WDR48: variants seen among roughly 807,000 people sequenced by gnomAD.
The protein encoded by WDR48 is WD repeat domain 48, also known as WD repeat-containing protein 48.
WDR48 carries 22 observed loss-of-function variants against 94.0 expected under a neutral mutation model. The ratio of observed to expected loss-of-function variants is 0.23; its 90% CI spans 0.17 to 0.33. The LOEUF (loss-of-function observed/expected upper bound fraction) is 0.33, where lower values mean the gene tolerates loss of function less well. Ranked by LOEUF, WDR48 falls within the 10% of genes least tolerant of loss-of-function variation. WDR48 has a pLI of 1.00. For synonymous variants in WDR48, 278 were observed against 280.5 expected (o/e 0.99, Z 0.09); for missense variants, 541 against 813.8 (o/e 0.66, Z 4.08).
At chr3:39,084,455 A>G (rs1348116274) in intron 12 of WDR48, among the ~76,000 whole-genome samples, 190 bp from the exon 13 acceptor site, 2 of 152,200 alleles carry the variant, frequency 1.3e-5, no homozygotes, top group Admixed American at 6.5e-5. Context: ...AAAAAATTTA[A>G]AAGTTACAAA....
At chr3:39,093,223 G>A (rs1458352231) in intron 17 of WDR48, among the ~76,000 whole-genome samples, 2 of 152,180 alleles carry the variant, frequency 1.3e-5, no homozygotes, top group Non-Finnish European at 2.9e-5. Flanking sequence ...GAGAGCCCAG[G>A]GAAAATTGAG....
At chr3:39,084,806 T>C in intron 13 of WDR48, 65 bp downstream of exon 13, 1 of 1,402,058 alleles carries the variant, frequency 7.1e-7, no homozygotes, top group South Asian at 1.2e-5. Flanking sequence ...GAGCTGTTTT[T>C]TGCTAAGTAC....
intron 7 of WDR48, among the ~76,000 whole-genome samples, chr3:39,071,285 G>A (rs1211162821): frequency 3.3e-5 from 5 of 152,148 alleles, no homozygotes; most frequent in Non-Finnish European, 4.4e-5. Context: ...GTAAGCCAGG[G>A]CATTTCCTAG....
At chr3:39,087,055 C>T (rs951218387) in intron 14 of WDR48, among the ~76,000 whole-genome samples, 1 of 152,094 alleles carries the variant, frequency 6.6e-6, no homozygotes, top group East Asian at 1.9e-4. Context: ...CCTTCAGGAG[C>T]TGATGTTCTG....
At position 39,065,823 on chromosome 3, in the gene WDR48, A is replaced by G. The variant is rs1376821297; in HGVS notation, c.202A>G (p.Ile68Val). 1.9e-6 allele frequency: 3 copies of G among 1,604,784 alleles called. No individual in the cohort carries two copies. The highest frequency in any genetic ancestry group is 2.7e-5 in the African/African-American group (2 of 74,230). Residue 68 changes from isoleucine to valine, a missense_variant, in exon 3 of 19, where the codon ATA becomes GTA. Around this residue, in one of 5 missense-constraint regions of WDR48, gnomAD observed 90 missense variants for 122.3 expected, o/e 0.74. Transcript: ENST00000302313. ...CTTTTAATTTCAGCAAGATCCATAT[A>G]TAGCATCTATGGAACACCATACTGA... ...SVNQHKQDPY[I>V]ASMEHHTDWV...
At chr3:39,071,221 TGA>T (rs1428561601) in intron 7 of WDR48, among the ~76,000 whole-genome samples, 2 of 152,208 alleles carry the variant, frequency 1.3e-5, no homozygotes, top group Non-Finnish European at 2.9e-5. Context: ...ATATAGTTGG[TGA>T]GAGTGTGTGT....
chr3:39,060,974 AAAC>A (rs1344267149), intron 1 of WDR48, among the ~76,000 whole-genome samples: 1 of 152,228 alleles, frequency 6.6e-6, no homozygotes, highest in African/African-American at 2.4e-5. Flanking sequence ...CAAAAAATAA[AAAC>A]AAAAATTATT....
At chr3:39,092,421 G>C (rs1265809217) in intron 17 of WDR48, among the ~76,000 whole-genome samples, 1 of 152,190 alleles carries the variant, frequency 6.6e-6, no homozygotes, top group Non-Finnish European at 1.5e-5. Context: ...GTGTGATCAG[G>C]GATGTGGAAG....
At chr3:39,067,151 G>C (rs1339082687) in intron 5 of WDR48, among the ~76,000 whole-genome samples, 1 of 152,178 alleles carries the variant, frequency 6.6e-6, no homozygotes, top group African/African-American at 2.4e-5. Context: ...AGTCCCTGCA[G>C]GGTAGAGGAG....
intron 14 of WDR48, among the ~76,000 whole-genome samples, chr3:39,086,821 A>G (rs914605107): frequency 3.3e-5 from 5 of 152,200 alleles, no homozygotes; most frequent in Non-Finnish European, 7.3e-5. Context: ...GAGTATAAGG[A>G]AGACATCACC....
Position 39,089,279 on chromosome 3 carries a change from T to C in WDR48, c.1629T>C (p.Asn543=), listed in dbSNP as rs1437938884. ...GTGAGACTGAGTCTATGCTTCTTAA[T>C]GAAACAGTGCCACAATGGGTAATTG... ...SGGETESMLL[N]ETVPQWVIDI... is the part of the protein sequence containing the mutation. The change falls in exon 16 of 19, where the codon AAT becomes AAC. Residue 543 remains asparagine (N), a synonymous_variant. Coordinates refer to ENST00000302313, the MANE Select transcript of WDR48 (RefSeq NM_020839.4). The C allele has an allele frequency of 1.2e-6, 2 of 1,613,560 alleles. No individual in the cohort carries two copies. The highest frequency in any genetic ancestry group is 1.7e-6 in the Non-Finnish European group (2 of 1,179,816).
intron 14 of WDR48, chr3:39,086,359 C>G (rs1341034612): frequency 6.6e-6 from 1 of 152,234 alleles, no homozygotes; most frequent in African/African-American, 2.4e-5. Context: ...AGATTCTCTG[C>G]TGGCCACCAG....
chr3:39,088,277 C>T, intron 15 of WDR48, 44 bp downstream of exon 15: 1 of 1,582,180 alleles, frequency 6.3e-7, no homozygotes, highest in Non-Finnish European at 8.7e-7. Flanking sequence ...GAAGGTATCC[C>T]ATTTGCTAAG....
intron 1 of WDR48, among the ~76,000 whole-genome samples, chr3:39,056,496 A>G (rs1559594113): frequency 1.3e-5 from 2 of 152,230 alleles, no homozygotes; most frequent in Admixed American, 6.5e-5. Flanking sequence ...AAAAACAAAC[A>G]AGAAATGTCA....
chr3:39,069,463 A>G (rs769474278), intron 6 of WDR48, among the ~76,000 whole-genome samples, 180 bp from the exon 7 acceptor site: 1 of 152,214 alleles, frequency 6.6e-6, no homozygotes. Flanking sequence ...GAGGCTGTGC[A>G]TTTTTGATGT....
intron 14 of WDR48, among the ~76,000 whole-genome samples, chr3:39,087,482 G>C (rs1333354324): frequency 6.6e-6 from 1 of 152,200 alleles, no homozygotes; most frequent in Non-Finnish European, 1.5e-5. Flanking sequence ...GCCAGTTGTG[G>C]TGGTGTGTGC....
chr3:39,091,463 G>T, intron 16 of WDR48, 162 bp from the exon 17 acceptor site: 5 of 519,176 alleles, frequency 9.6e-6, no homozygotes, highest in Non-Finnish European at 1.3e-5. Context: ...GAATTTTCTC[G>T]AAGGCTGACT....
chr3:39,094,664 T>C lies in WDR48; in HGVS notation c.1955T>C (p.Met652Thr), dbSNP rs1321094609. Residue 652 changes from methionine to threonine, a missense_variant, in exon 19 of 19, where the codon ATG (methionine) becomes ACG (threonine). Physicochemically the swap from Met to Thr is moderately conservative, Grantham distance 81. This residue lies in a region of WDR48 where 109 missense variants were observed against 195.5 expected (regional missense o/e 0.56). Coordinates refer to ENST00000302313, the MANE Select transcript of WDR48 (RefSeq NM_020839.4). ...LCQDQVLDPN[M>T]DLRTVKHFIW... ...GCTATTCAGGTTTTGGATCCAAATATGGACCTTCGAACAGTGAAACACTTC... is the reference window on the plus strand; with the variant it reads ...GCTATTCAGGTTTTGGATCCAAATACGGACCTTCGAACAGTGAAACACTTC... 2.5e-6 allele frequency: 4 copies of C among 1,614,072 alleles called. No homozygotes were observed. The highest frequency in any genetic ancestry group is 2.7e-5 in the African/African-American group (2 of 74,938).
intron 7 of WDR48, among the ~76,000 whole-genome samples, chr3:39,072,989 C>T (rs573685650): frequency 6.6e-6 from 1 of 152,060 alleles, no homozygotes; most frequent in Non-Finnish European, 1.5e-5. Flanking sequence ...AACTGTGCAC[C>T]CTTAGTTTGG....
Sources: allele counts gnomAD v4.1 joint callset (sites outside exome capture counted in the v4.1 genomes callset), GRCh38; gene constraint gnomAD v4.1.1; regional missense constraint gnomAD v4.1.1; transcripts MANE v1.5; gene names NCBI Gene and HGNC (gene_info 2026-07-23, HGNC 2026-07-21).